The following PRTG variants were observed in gnomAD, a reference collection of about 807,000 sequenced individuals.
PRTG encodes immunoglobulin superfamily, DCC subclass, member 5.
A neutral mutation model predicts 122.5 loss-of-function variants in PRTG; 67 were observed. That is an observed-to-expected ratio of 0.55 (90% confidence interval 0.45 to 0.67). The LOEUF (loss-of-function observed/expected upper bound fraction) is 0.67, where lower values mean the gene tolerates loss of function less well. Among genes scored for constraint, PRTG ranks in the 30% least tolerant of loss-of-function variants. The pLI, the probability that PRTG is intolerant of heterozygous loss-of-function variation, is 0.00. For missense variants in PRTG, 1,435 were observed against 1,415.4 expected (o/e 1.01, Z -0.22); for synonymous variants, 554 against 501.1 (o/e 1.11, Z -1.41).
rs1567121650 is a variant in PRTG, at chr15:55,738,003, TA to T, written c.397+2378del. 2.8e-3 allele frequency among the ~76,000 whole-genome samples: 216 copies of T among 76,796 alleles called. 2 individuals are homozygous for T. Among genetic ancestry groups the T allele is most frequent in the African/African-American group, 8.1e-3 (189 of 23,268 alleles). 50.4% of individuals were successfully genotyped at this position (76,796 alleles called of 152,430 possible). ...CTCTCTCTCTCTCTCTCTCTCTCTCTATATATATATATATATATATATACAC... is the reference window on the plus strand; with the variant it reads ...CTCTCTCTCTCTCTCTCTCTCTCTCTTATATATATATATATATATATACAC... On this transcript the variant is annotated intron_variant, in intron 2 of 19. Transcript: ENST00000389286.
chr15:55,740,643 G>A lies in PRTG; in HGVS notation c.136C>T (p.Gln46Ter). The change falls in exon 2 of 20, where the codon CAG (glutamine) becomes TAG (stop). Residue 46 changes from glutamine (Q) to a stop codon, truncating the protein, a stop_gained. Coordinates refer to ENST00000389286, the MANE Select transcript of PRTG (RefSeq NM_173814.6). LOFTEE classifies it high-confidence loss of function. ...FSELSFVKEP[Q>*]DVTVTRKDPV... is the part of the protein sequence containing the mutation. ...TCCTTTCTTGTGACAGTTACATCCT[G>A]TGGTTCTTTTACAAAAGACAGTTCG... The A allele has an allele frequency of 6.2e-7, 1 of 1,613,858 alleles. No homozygotes were observed. Among genetic ancestry groups the A allele is most frequent in the South Asian group, 1.1e-5 (1 of 91,054 alleles).
At chr15:55,730,088 G>A (rs1409881021) in intron 2 of PRTG, among the ~76,000 whole-genome samples, 1 of 152,134 alleles carries the variant, frequency 6.6e-6, no homozygotes, top group African/African-American at 2.4e-5. Flanking sequence ...ACTAAGGAAT[G>A]TCTTTAATTT....
intron 1 of PRTG, 191 bp downstream of exon 1, chr15:55,742,647 C>G: frequency 1.6e-6 from 1 of 640,514 alleles, no homozygotes. Flanking sequence ...GCGCAGAGGC[C>G]GCAAGCAACT....
chr15:55,611,782 A>G lies in PRTG; in HGVS notation c.*8230T>C, dbSNP rs2059121445. ...TATGTTTTAAGAAGACATTAAAAAG[A>G]TACATTCAAAATCAAGGCAAACATT... On this transcript the variant is annotated 3_prime_UTR_variant, in exon 20 of 20. Transcript: ENST00000389286. The G allele has an allele frequency of 6.6e-6, 1 of 152,118 alleles. No individual in the cohort carries two copies. Among genetic ancestry groups the G allele is most frequent in the Non-Finnish European group, 1.5e-5 (1 of 67,978 alleles). 9.4% of individuals were successfully genotyped at this position (152,118 alleles called of 1,614,324 possible).
At chr15:55,703,083 A>C (rs1283498097) in intron 2 of PRTG, 1 of 210,698 alleles carries the variant, frequency 4.7e-6, no homozygotes, top group Non-Finnish European at 8.2e-6. Flanking sequence ...CTCAAGTGAG[A>C]AATGGATTTT....
chr15:55,659,347 A>G (rs1378857303), intron 11 of PRTG, among the ~76,000 whole-genome samples: 1 of 152,182 alleles, frequency 6.6e-6, no homozygotes, highest in Admixed American at 6.5e-5. Context: ...TGCTTTGATG[A>G]TCATTCTATC....
intron 2 of PRTG, among the ~76,000 whole-genome samples, chr15:55,712,872 C>G (rs1188588599): frequency 3.3e-5 from 5 of 152,138 alleles, no homozygotes; most frequent in African/African-American, 1.2e-4. Flanking sequence ...CAGAAGGCCA[C>G]TAACAGCACA....
intron 8 of PRTG, among the ~76,000 whole-genome samples, chr15:55,675,914 T>C (rs150222020): frequency 2.6e-5 from 4 of 152,250 alleles, no homozygotes; most frequent in African/African-American, 7.2e-5. Flanking sequence ...AAAGAATTCA[T>C]CTTCTCTAAA....
chr15:55,725,406 C>A (rs983810454), intron 2 of PRTG, among the ~76,000 whole-genome samples: 9 of 151,916 alleles, frequency 5.9e-5, no homozygotes, highest in Non-Finnish European at 1.2e-4. Context: ...TAAGCCTAGG[C>A]AACAAAATAA....
At chr15:55,629,373 ATATGTGTGTGTGTG>A (rs1274929196) in intron 15 of PRTG, among the ~76,000 whole-genome samples, 579 of 54,356 alleles carry the variant, frequency 0.011, 8 homozygotes, top group Middle Eastern at 0.022. Context: ...ATATATATAT[ATATGTGTGTGTGTG>A]TGTGTGTGTG....
chr15:55,674,153 AAC>A (rs1006637156), intron 9 of PRTG, among the ~76,000 whole-genome samples: 19 of 152,206 alleles, frequency 1.2e-4, no homozygotes, highest in South Asian at 1.2e-3. Context: ...TTAATATAAA[AAC>A]AGTTTTTCCT....
At chr15:55,678,231 C>T (rs1051535357) in intron 7 of PRTG, among the ~76,000 whole-genome samples, 187 bp from the exon 8 acceptor site, 2 of 151,866 alleles carry the variant, frequency 1.3e-5, no homozygotes, top group Non-Finnish European at 2.9e-5. Context: ...TTGTTTTTGT[C>T]GTTTTCTTTC....
In PRTG at chr15:55,740,511, T is replaced by C. The variant is rs1368517098; in HGVS notation, c.268A>G (p.Asn90Asp). Residue 90 changes from asparagine (N) to aspartate (D), a missense_variant, in exon 2 of 20, where the codon AAC becomes GAC. Transcript: ENST00000389286. Reference sequence around the variant, plus strand: ...ACCTCACTGATGTATAAAGAGCCGTTAGAAAGAACCTCGATCCGTTTATTT... The same window carrying C: ...ACCTCACTGATGTATAAAGAGCCGTCAGAAAGAACCTCGATCCGTTTATTT... ...SENKRIEVLS[N>D]GSLYISEVEG... is the part of the protein sequence containing the mutation. 6.2e-7 allele frequency: 1 copy of C among 1,614,088 alleles called. No homozygotes were observed. Among genetic ancestry groups the C allele is most frequent in the East Asian group, 2.2e-5 (1 of 44,896 alleles).
intron 11 of PRTG, among the ~76,000 whole-genome samples, chr15:55,661,823 A>G (rs1332594187): frequency 2.0e-5 from 3 of 152,124 alleles, no homozygotes; most frequent in African/African-American, 4.8e-5. Flanking sequence ...CTTCAGGCCT[A>G]CAAAAGTGAT....
intron 11 of PRTG, among the ~76,000 whole-genome samples, chr15:55,645,768 G>A (rs997912006): frequency 5.9e-5 from 9 of 152,084 alleles, no homozygotes; most frequent in African/African-American, 2.2e-4. Flanking sequence ...GCCTGTTTCA[G>A]CCCTTCTTGT....
At chr15:55,638,351 C>T (rs1348154535) in intron 14 of PRTG, among the ~76,000 whole-genome samples, 198 bp downstream of exon 14, 1 of 151,920 alleles carries the variant, frequency 6.6e-6, no homozygotes, top group East Asian at 1.9e-4. Flanking sequence ...TTGCACAATA[C>T]ACACACTGAG....
At chr15:55,644,209 G>C (rs2059308130) in intron 11 of PRTG, among the ~76,000 whole-genome samples, 1 of 152,132 alleles carries the variant, frequency 6.6e-6, no homozygotes, top group Admixed American at 6.5e-5. Flanking sequence ...AGAATATAAA[G>C]GTATTGTGCC....
At chr15:55,677,111 T>C (rs1227743269) in intron 8 of PRTG, among the ~76,000 whole-genome samples, 1 of 152,150 alleles carries the variant, frequency 6.6e-6, no homozygotes, top group African/African-American at 2.4e-5. Context: ...ATTTCTAGGA[T>C]TTATCAGTAG....
rs1303881389 is a variant in PRTG, at chr15:55,619,070, C to A, written c.*942G>T. 1 of 152,040 alleles carries A rather than the reference C, an allele frequency of 6.6e-6. No individual in the cohort carries two copies. The highest frequency in any genetic ancestry group is 2.4e-5 in the African/African-American group (1 of 41,406). 9.4% of individuals were successfully genotyped at this position (152,040 alleles called of 1,614,324 possible). On this transcript the variant is annotated 3_prime_UTR_variant, in exon 20 of 20. Transcript: ENST00000389286. ...CATGGGGTTTTGCAACTAATACTGGCAAAGTTGAGGATGCTTTGCAAACTA... is the reference window on the plus strand; with the variant it reads ...CATGGGGTTTTGCAACTAATACTGGAAAAGTTGAGGATGCTTTGCAAACTA...
Sources: gnomAD v4.1 joint callset for allele counts (sites outside exome capture counted in the v4.1 genomes callset) on GRCh38, gnomAD v4.1.1 for gene constraint, MANE v1.5 for transcripts, NCBI Gene and HGNC (gene_info 2026-07-23, HGNC 2026-07-21) for gene names.